TMPO: variants seen among roughly 807,000 people sequenced by gnomAD.
TMPO encodes the protein thymopoietin.
A neutral mutation model predicts 45.4 loss-of-function variants in TMPO; 22 were observed. The ratio of observed to expected loss-of-function variants is 0.48; its 90% CI spans 0.35 to 0.69. The LOEUF is 0.69. Among genes scored for constraint, TMPO ranks in the 30% least tolerant of loss-of-function variants. TMPO has a pLI of 0.01. For synonymous variants in TMPO, 241 were observed against 204.1 expected, an observed-to-expected ratio of 1.18 and a Z score of -1.54; for missense variants, 512 against 548.8, an observed-to-expected ratio of 0.93 and a Z score of 0.67.
At chr12:98,519,879 C>T (rs151251139) in intron 1 of TMPO, among the ~76,000 whole-genome samples, 137 of 152,170 alleles carry the variant, frequency 9.0e-4, no homozygotes, top group African/African-American at 3.1e-3. Flanking sequence ...CTTATATGTA[C>T]TATATTTTAC....
chr12:98,538,309 G>C (rs1228364024), intron 4 of TMPO, among the ~76,000 whole-genome samples: 1 of 152,072 alleles, frequency 6.6e-6, no homozygotes, highest in African/African-American at 2.4e-5. Flanking sequence ...TGTCTAGCTG[G>C]ATGATTTGTC....
chr12:98,526,539 T>C (rs1264417613), intron 1 of TMPO, among the ~76,000 whole-genome samples: 3 of 152,338 alleles, frequency 2.0e-5, no homozygotes, highest in East Asian at 3.9e-4. Context: ...GTCTTTTTTT[T>C]CCCCAAGTAT....
intron 3 of TMPO, chr12:98,534,777 G>T: frequency 9.9e-7 from 1 of 1,007,898 alleles, no homozygotes; most frequent in Non-Finnish European, 1.2e-6. Context: ...TTTTATCTCA[G>T]TATCTTTTCA....
intron 4 of TMPO, among the ~76,000 whole-genome samples, chr12:98,540,929 C>T (rs1877879429): frequency 6.6e-6 from 1 of 152,194 alleles, no homozygotes; most frequent in Admixed American, 6.5e-5. Context: ...TAAAGATCCA[C>T]ATTGTCCTTT....
intron 7 of TMPO, among the ~76,000 whole-genome samples, chr12:98,546,104 T>C (rs1245186751): frequency 6.6e-6 from 1 of 152,116 alleles, no homozygotes; most frequent in Non-Finnish European, 1.5e-5. Context: ...GATTACTGAA[T>C]TTTTTCCCCC....
At chr12:98,517,381 C>T (rs1203499649) in intron 1 of TMPO, among the ~76,000 whole-genome samples, 1 of 152,162 alleles carries the variant, frequency 6.6e-6, no homozygotes, top group African/African-American at 2.4e-5. Flanking sequence ...AGTTACCAGG[C>T]TTCAAATCGT....
At chr12:98,532,721 A>T in intron 3 of TMPO, 1 of 1,556,708 alleles carries the variant, frequency 6.4e-7, no homozygotes, top group South Asian at 1.1e-5. Flanking sequence ...ATGAAATTAT[A>T]GTCTTTTCCT....
At chr12:98,545,555 A>T (rs1378345207) in intron 7 of TMPO, among the ~76,000 whole-genome samples, 3 of 152,168 alleles carry the variant, frequency 2.0e-5, no homozygotes, top group African/African-American at 7.2e-5. Context: ...AACATTTATT[A>T]TTTTGTTCTG....
At chr12:98,545,731 C>T (rs1878191071) in intron 7 of TMPO, among the ~76,000 whole-genome samples, 1 of 151,820 alleles carries the variant, frequency 6.6e-6, no homozygotes, top group African/African-American at 2.4e-5. Context: ...AATGAAGAAA[C>T]AGTATACTTT....
chr12:98,521,273 G>A (rs796537740), intron 1 of TMPO, among the ~76,000 whole-genome samples: 26 of 150,816 alleles, frequency 1.7e-4, no homozygotes, highest in Non-Finnish European at 3.0e-5. Flanking sequence ...CACCACCCCC[G>A]GCTAATTTTT....
At chr12:98,527,628 G>T in intron 1 of TMPO, 1 of 376,692 alleles carries the variant, frequency 2.7e-6, no homozygotes, top group East Asian at 5.3e-5. Flanking sequence ...ATCTCTTTTA[G>T]ATAGGTAATC....
intron 1 of TMPO, among the ~76,000 whole-genome samples, chr12:98,522,560 T>C (rs752582752): frequency 1.4e-4 from 22 of 152,194 alleles, no homozygotes; most frequent in Non-Finnish European, 2.8e-4. Flanking sequence ...AATAACCTAA[T>C]AGCTACTTAA....
chr12:98,517,598 C>T (rs907977538), intron 1 of TMPO, among the ~76,000 whole-genome samples: 1 of 152,196 alleles, frequency 6.6e-6, no homozygotes, highest in African/African-American at 2.4e-5. Context: ...GTAATAGACA[C>T]ATGTAAATTT....
intron 4 of TMPO, 158 bp downstream of exon 4, chr12:98,537,730 T>G: frequency 1.4e-6 from 1 of 736,838 alleles, no homozygotes; most frequent in Non-Finnish European, 2.4e-6. Flanking sequence ...CTTTGTGGGT[T>G]TTGTCAGTAG....
At chr12:98,515,575 T>G, upstream of TMPO, 4 of 444,020 alleles carry the variant, frequency 9.0e-6, no homozygotes, top group African/African-American at 2.1e-5. Context: ...CGGCGCGCGT[T>G]CTTGGGGCGT....
chr12:98,533,969 G>C, intron 3 of TMPO: 1 of 1,611,652 alleles, frequency 6.2e-7, no homozygotes, highest in Non-Finnish European at 8.5e-7. Context: ...GCACTCTGTA[G>C]AGCATATGAA....
chr12:98,533,310 G>A lies in TMPO; in HGVS notation c.565+1472G>A, dbSNP rs375628010. The A allele has an allele frequency of 2.3e-5, 37 of 1,613,900 alleles. No homozygotes were observed. In the Middle Eastern group the frequency reaches 4.9e-4, roughly 22 times the overall value. ...AGAGGTCCCATATTTCAGATCAATC[G>A]CCTCTCTCCAGTAAAAGGAAAGCAC... On this transcript the variant is annotated intron_variant, in intron 3 of 8. Coordinates refer to ENST00000556029, the MANE Select transcript of TMPO (RefSeq NM_001032283.3).
At chr12:98,528,585 C>A (rs978440753) in intron 2 of TMPO, among the ~76,000 whole-genome samples, 2 of 151,076 alleles carry the variant, frequency 1.3e-5, no homozygotes, top group African/African-American at 4.9e-5. Context: ...CCACTTATAT[C>A]GTACTTCTGC....
chr12:98,516,605 T>C, intron 1 of TMPO: 1 of 939,772 alleles, frequency 1.1e-6, no homozygotes, highest in Non-Finnish European at 1.3e-6. Flanking sequence ...CTGATGACAC[T>C]CTAATTTCTA....
Sources: allele counts gnomAD v4.1 joint callset (sites outside exome capture counted in the v4.1 genomes callset), GRCh38; gene constraint gnomAD v4.1.1; transcripts MANE v1.5; gene names NCBI Gene and HGNC (gene_info 2026-07-23, HGNC 2026-07-21).